The following CNOT2 variants were observed in gnomAD, a reference collection of about 807,000 sequenced individuals.
CNOT2 encodes CCR4-NOT transcription complex subunit 2.
CNOT2 carries 7 observed loss-of-function variants against 72.1 expected under a neutral mutation model. That is an observed-to-expected ratio of 0.10 (90% CI 0.06 to 0.18). The LOEUF is 0.18. Ranked by LOEUF, CNOT2 falls within the 10% of genes least tolerant of loss-of-function variation. The probability of loss-of-function intolerance (pLI) is 1.00; values close to 1 mark genes in which losing one functional copy is unlikely to be tolerated. For missense variants in CNOT2, 345 were observed against 660.3 expected (o/e 0.52, Z 5.23); for synonymous variants, 196 against 225.6 (o/e 0.87, Z 1.17).
chr12:70,331,230 A>T (rs1348087850), intron 6 of CNOT2: 1 of 151,916 alleles, frequency 6.6e-6, no homozygotes, highest in African/African-American at 2.4e-5. Context: ...TGTTTGATTC[A>T]CTTTATTCTG....
intron 2 of CNOT2, among the ~76,000 whole-genome samples, chr12:70,299,619 A>G (rs1006544863): frequency 1.3e-5 from 2 of 152,128 alleles, no homozygotes; most frequent in South Asian, 2.1e-4. Flanking sequence ...AATCCAGTCT[A>G]TCATTGTTGG....
At chr12:70,243,781 C>T (rs1400678647) in intron 1 of CNOT2, 2 of 152,460 alleles carry the variant, frequency 1.3e-5, no homozygotes, top group African/African-American at 2.4e-5. Context: ...GCAGCAGCAG[C>T]TCCAGATCCT....
At position 70,280,097 on chromosome 12, in the gene CNOT2, C is replaced by T. The variant is rs549335920; in HGVS notation, c.48+1823C>T. On this transcript the variant is annotated intron_variant, in intron 2 of 15. Coordinates refer to ENST00000229195, the MANE Select transcript of CNOT2 (RefSeq NM_014515.7). ...GGGAAATTCAAAGGAATGTTCATCA[C>T]TAAAGTAACATTTATATTTGTACTG... 8.5e-5 allele frequency among the ~76,000 whole-genome samples: 13 copies of T among 152,190 alleles called. No individual in the cohort carries two copies. In the South Asian group the frequency reaches 2.7e-3, roughly 32 times the overall value.
chr12:70,340,251 T>A (rs948800336), intron 11 of CNOT2, among the ~76,000 whole-genome samples: 1 of 152,182 alleles, frequency 6.6e-6, no homozygotes, highest in Non-Finnish European at 1.5e-5. Flanking sequence ...CTCTTGCTCC[T>A]TGATACACAT....
At chr12:70,302,352 T>C (rs1874192273) in intron 2 of CNOT2, among the ~76,000 whole-genome samples, 2 of 151,828 alleles carry the variant, frequency 1.3e-5, no homozygotes, top group Admixed American at 6.6e-5. Context: ...TGTGGGCATT[T>C]AGTGCTATAA....
chr12:70,319,711 C>T (rs536545913), intron 4 of CNOT2, among the ~76,000 whole-genome samples: 1 of 147,866 alleles, frequency 6.8e-6, no homozygotes, highest in East Asian at 2.2e-4. Context: ...GTTTATTTGA[C>T]TGGCTACTCT....
At chr12:70,244,610 T>A (rs1957786377) in intron 1 of CNOT2, among the ~76,000 whole-genome samples, 1 of 152,186 alleles carries the variant, frequency 6.6e-6, no homozygotes, top group South Asian at 2.1e-4. Context: ...TTCGAATCCT[T>A]GGAGACATCT....
chr12:70,334,176 A>G (rs1406602697), intron 7 of CNOT2, among the ~76,000 whole-genome samples: 2 of 151,980 alleles, frequency 1.3e-5, no homozygotes, highest in Non-Finnish European at 2.9e-5. Context: ...TTAAAAGTTA[A>G]TATATATTCA....
intron 7 of CNOT2, among the ~76,000 whole-genome samples, chr12:70,333,849 T>C (rs1416640940): frequency 6.6e-6 from 1 of 151,984 alleles, no homozygotes; most frequent in Non-Finnish European, 1.5e-5. Flanking sequence ...TTCTTCATAA[T>C]TTAATGTCTT....
chr12:70,352,064 C>T (rs1882938991), intron 15 of CNOT2, among the ~76,000 whole-genome samples: 1 of 151,872 alleles, frequency 6.6e-6, no homozygotes, highest in Admixed American at 6.6e-5. Context: ...CACCTTATAC[C>T]AAGAGAGAAG....
chr12:70,350,372 A>G (rs1405026494), intron 15 of CNOT2, among the ~76,000 whole-genome samples: 1 of 152,210 alleles, frequency 6.6e-6, no homozygotes, highest in African/African-American at 2.4e-5. Flanking sequence ...ACAGTTACAT[A>G]TTAGTACATC....
At chr12:70,341,623 A>G (rs1291433670) in intron 11 of CNOT2, among the ~76,000 whole-genome samples, 1 of 152,168 alleles carries the variant, frequency 6.6e-6, no homozygotes, top group African/African-American at 2.4e-5. Flanking sequence ...TTGCTCACTG[A>G]TGTGTCGTAA....
At chr12:70,319,874 C>G (rs1016873740) in intron 4 of CNOT2, among the ~76,000 whole-genome samples, 1 of 151,608 alleles carries the variant, frequency 6.6e-6, no homozygotes, top group Admixed American at 6.6e-5. Context: ...TTTTGACTCA[C>G]GGTTTAATGC....
At chr12:70,311,717 G>A (rs1453716976) in intron 3 of CNOT2, among the ~76,000 whole-genome samples, 2 of 151,916 alleles carry the variant, frequency 1.3e-5, no homozygotes, top group Admixed American at 1.3e-4. Flanking sequence ...GTACTCTCTA[G>A]TCACACCAGT....
At chr12:70,266,374 T>C (rs774914317) in intron 1 of CNOT2, among the ~76,000 whole-genome samples, 24 of 152,258 alleles carry the variant, frequency 1.6e-4, no homozygotes, top group Middle Eastern at 6.8e-3. Context: ...CCGCCCACCT[T>C]GGCCTCCCAA....
intron 2 of CNOT2, among the ~76,000 whole-genome samples, chr12:70,306,701 T>G (rs1326496449): frequency 6.6e-6 from 1 of 152,220 alleles, no homozygotes; most frequent in African/African-American, 2.4e-5. Flanking sequence ...TTTGCTTGAA[T>G]AAAGCTGACA....
Position 70,338,004 on chromosome 12 carries a change from G to A in CNOT2, c.901-439G>A. On this transcript the variant is annotated intron_variant, in intron 9 of 15. Transcript: ENST00000229195. ...AATAATTGATAAAGAAGATCGGTAA[G>A]AATTAAAATAAGTACAAAGTTTTAA... 3.8e-5 allele frequency: 9 copies of A among 239,020 alleles called. No homozygotes were observed. The South Asian group carries it at 4.5e-4, about 12-fold the overall frequency. 14.8% of individuals were successfully genotyped at this position (239,020 alleles called of 1,614,324 possible).
intron 1 of CNOT2, among the ~76,000 whole-genome samples, chr12:70,258,036 C>T (rs1171249789): frequency 6.6e-6 from 1 of 152,026 alleles, no homozygotes; most frequent in African/African-American, 2.4e-5. Context: ...ATTTTAAAAA[C>T]TTGTATTTTT....
In CNOT2 at chr12:70,353,957, G is replaced by A. The variant is rs577996590; in HGVS notation, c.*42G>A. ...AAAAAAAGACTTCCCTTTTCTTGGG[G>A]TATGGCTGTCTCAGCACAATACTCA... On this transcript the variant is annotated 3_prime_UTR_variant, in exon 16 of 16. Coordinates refer to ENST00000229195, the MANE Select transcript of CNOT2 (RefSeq NM_014515.7). The A allele has an allele frequency of 4.5e-6, 7 of 1,560,638 alleles. No individual in the cohort carries two copies. In the East Asian group the frequency reaches 1.6e-4, roughly 36 times the overall value.
Sources: gnomAD v4.1 joint callset for allele counts (sites outside exome capture counted in the v4.1 genomes callset) on GRCh38, gnomAD v4.1.1 for gene constraint, MANE v1.5 for transcripts, NCBI Gene and HGNC (gene_info 2026-07-23, HGNC 2026-07-21) for gene names.